The following NCKAP5L variants were observed in gnomAD, a reference collection of about 807,000 sequenced individuals.
The protein encoded by NCKAP5L is nck-associated protein 5-like.
Under a neutral mutation model 103.2 loss-of-function variants are expected in NCKAP5L, and 54 were observed. That is an observed-to-expected ratio of 0.52 (90% CI 0.42 to 0.66). The LOEUF (loss-of-function observed/expected upper bound fraction) is 0.66, where lower values mean the gene tolerates loss of function less well. Among genes scored for constraint, NCKAP5L ranks in the 30% least tolerant of loss-of-function variants. The pLI is 0.00. For synonymous variants in NCKAP5L, 762 were observed against 748.6 expected (o/e 1.02, Z -0.29); for missense variants, 1,733 against 1,750.6 (o/e 0.99, Z 0.18).
intron 1 of NCKAP5L, among the ~76,000 whole-genome samples, chr12:49,822,285 G>A (rs1198689644): frequency 6.6e-6 from 1 of 152,062 alleles, no homozygotes. Context: ...CTAGTTTATG[G>A]TATGTTGTTA....
chr12:49,811,497 C>T (rs1946239749), intron 1 of NCKAP5L, among the ~76,000 whole-genome samples: 1 of 152,104 alleles, frequency 6.6e-6, no homozygotes, highest in Non-Finnish European at 1.5e-5. Context: ...GAGTTGCCTG[C>T]TCCCGGGCAA....
Position 49,796,926 on chromosome 12 carries a change from G to A in NCKAP5L, c.934C>T (p.Pro312Ser), listed in dbSNP as rs1384843754. 1.1e-5 allele frequency: 17 copies of A among 1,607,546 alleles called. No individual in the cohort carries two copies. The East Asian group carries it at 3.1e-4, about 30-fold the overall frequency. Residue 312 changes from proline (P) to serine (S), a missense_variant, in exon 8 of 13, where the codon CCC (proline) becomes TCC (serine). Pro to Ser is a moderately conservative substitution (Grantham distance 74, BLOSUM62 -1). Transcript: ENST00000335999. ...SDEAGDPNEA[P>S]SPDTLLGALA... is the part of the protein sequence containing the mutation. Reference sequence around the variant, plus strand: ...GCACCGAGCAGGGTGTCGGGGCTGGGTGCCTCATTGGGGTCACCTGCCTCA... The same window carrying A: ...GCACCGAGCAGGGTGTCGGGGCTGGATGCCTCATTGGGGTCACCTGCCTCA...
intron 1 of NCKAP5L, among the ~76,000 whole-genome samples, chr12:49,820,867 T>C (rs527604956): frequency 6.6e-6 from 1 of 152,184 alleles, no homozygotes; most frequent in Non-Finnish European, 1.5e-5. Context: ...CTGAGATTCA[T>C]GCAGCCAAAC....
chr12:49,820,595 G>A (rs61941198), intron 1 of NCKAP5L, among the ~76,000 whole-genome samples: 5,375 of 152,236 alleles, frequency 0.035, 125 homozygotes, highest in Non-Finnish European at 0.054. Context: ...GATTACAGGC[G>A]TGAGCCACTG....
intron 1 of NCKAP5L, among the ~76,000 whole-genome samples, chr12:49,807,258 T>TGG: frequency 6.6e-6 from 1 of 152,218 alleles, no homozygotes; most frequent in African/African-American, 2.4e-5. Context: ...TGTGTGTGTG[T>TGG]GTGTGTGTGT....
chr12:49,794,704 C>T (rs1946001968), intron 8 of NCKAP5L, 61 bp downstream of exon 8: 1 of 1,310,886 alleles, frequency 7.6e-7, no homozygotes, highest in Non-Finnish European at 1.0e-6. Flanking sequence ...GCAGGTGTGC[C>T]CACGAAGGGA....
intron 1 of NCKAP5L, among the ~76,000 whole-genome samples, chr12:49,807,537 G>T (rs1347029521): frequency 6.6e-6 from 1 of 152,068 alleles, no homozygotes; most frequent in Non-Finnish European, 1.5e-5. Context: ...ATAATAATCT[G>T]AAGTTTTTTA....
At chr12:49,817,219 A>G (rs1946308097) in intron 1 of NCKAP5L, among the ~76,000 whole-genome samples, 1 of 152,176 alleles carries the variant, frequency 6.6e-6, no homozygotes, top group Non-Finnish European at 1.5e-5. Flanking sequence ...AAATGTCCAT[A>G]AATACCCAAA....
rs545868032 is a variant in NCKAP5L, at chr12:49,809,369, C to T, written c.-98-3328G>A. Among the ~76,000 whole-genome samples the T allele has an allele frequency of 3.0e-4, 45 of 152,242 alleles. No homozygotes were observed. The South Asian group carries it at 9.1e-3, about 31-fold the overall frequency. ...AGAGGCAGGCGGCAGCAAGCCTGTC[C>T]TCATTCCCTCACCCCGGCCCTTAGC... is the stretch of plus-strand genomic sequence containing the variant. On this transcript the variant is annotated intron_variant, in intron 1 of 12. Transcript: ENST00000335999.
At position 49,815,709 on chromosome 12, in the gene NCKAP5L, C is replaced by T. The variant is rs371725541; in HGVS notation, c.-98-9668G>A. ...TTCACCACGTTGGCCAGGCTGGTTT[C>T]GAACTCCTGACCTCAAGAGCTCCAC... On this transcript the variant is annotated intron_variant, in intron 1 of 12. Transcript: ENST00000335999. Among the ~76,000 whole-genome samples, 120 of 152,154 alleles carry T rather than the reference C, an allele frequency of 7.9e-4. 1 individual carries two copies. The highest frequency in any genetic ancestry group is 2.6e-3 in the African/African-American group (108 of 41,478).
chr12:49,802,329 A>C (rs1592752655), intron 5 of NCKAP5L: 1 of 182,408 alleles, frequency 5.5e-6, no homozygotes. Context: ...GCTCACTACA[A>C]CCTCCACAAC....
intron 10 of NCKAP5L, 107 bp downstream of exon 10, chr12:49,793,245 T>A (rs551631162): frequency 2.6e-4 from 298 of 1,154,922 alleles, no homozygotes; most frequent in Middle Eastern, 5.2e-4. Flanking sequence ...GGCACCAAGA[T>A]GGCACACAGA....
At chr12:49,801,553 C>T (rs1178344520) in intron 6 of NCKAP5L, among the ~76,000 whole-genome samples, 1 of 152,002 alleles carries the variant, frequency 6.6e-6, no homozygotes, top group Non-Finnish European at 1.5e-5. Flanking sequence ...GCCAAATAAG[C>T]CTCTTGGAAG....
chr12:49,818,749 A>T (rs1212050849), intron 1 of NCKAP5L, among the ~76,000 whole-genome samples: 1 of 152,200 alleles, frequency 6.6e-6, no homozygotes, highest in Non-Finnish European at 1.5e-5. Flanking sequence ...GTAAATTTAA[A>T]CCACAATGAG....
chr12:49,793,992 T>C (rs1945984740), intron 8 of NCKAP5L, 96 bp from the exon 9 acceptor site: 1 of 1,160,278 alleles, frequency 8.6e-7, no homozygotes, highest in African/African-American at 1.6e-5. Context: ...AGGGAGGCAC[T>C]TCCTGCCATC....
rs1945942694 is a variant in NCKAP5L, at chr12:49,791,996, G to A, written c.3848C>T (p.Pro1283Leu). ...GCTACCCCCGAAAGGTGGGCCCTGG[G>A]GCGTAGGGGACGGGCGGCTGGGCTC... ...SQEPSRPSPT[P>L]QGPPFGGSRT... Residue 1283 changes from proline to leucine, a missense_variant, in exon 13 of 13, where the codon CCC becomes CTC. Transcript: ENST00000335999. 6.3e-7 allele frequency: 1 copy of A among 1,595,824 alleles called. No homozygotes were observed. The highest frequency in any genetic ancestry group is 1.3e-5 in the African/African-American group (1 of 74,328).
intron 1 of NCKAP5L, among the ~76,000 whole-genome samples, chr12:49,814,602 T>G (rs1351781192): frequency 6.6e-6 from 1 of 152,126 alleles, no homozygotes; most frequent in Non-Finnish European, 1.5e-5. Flanking sequence ...TACATTCCCC[T>G]GCTCCTCCCA....
intron 1 of NCKAP5L, among the ~76,000 whole-genome samples, chr12:49,827,878 C>A (rs1565599865): frequency 6.6e-6 from 1 of 152,214 alleles, no homozygotes; most frequent in Non-Finnish European, 1.5e-5. Flanking sequence ...TCCGCGCCTG[C>A]GCTTTGGGGA....
intron 1 of NCKAP5L, among the ~76,000 whole-genome samples, chr12:49,818,920 G>GA (rs1406640323): frequency 9.7e-4 from 147 of 151,520 alleles, no homozygotes; most frequent in Non-Finnish European, 1.6e-3. Flanking sequence ...AAATAGGCCA[G>GA]ACCCAGTGGC....
Sources: gnomAD v4.1 joint callset for allele counts (sites outside exome capture counted in the v4.1 genomes callset) on GRCh38, gnomAD v4.1.1 for gene constraint, MANE v1.5 for transcripts, NCBI Gene and HGNC (gene_info 2026-07-23, HGNC 2026-07-21) for gene names.